Variants in NOL4 observed in about 807,000 individuals in gnomAD.
NOL4 encodes the protein nucleolar protein 4, also known as cancer/testis antigen 125.
Under a neutral mutation model 75.9 loss-of-function variants are expected in NOL4, and 17 were observed. The ratio of observed to expected loss-of-function variants is 0.22; its 90% CI spans 0.15 to 0.34. The LOEUF (loss-of-function observed/expected upper bound fraction) is 0.34, where lower values mean the gene tolerates loss of function less well. NOL4 is among the 10% of genes least tolerant of loss of function. The pLI is 1.00. For missense variants in NOL4, 614 were observed against 793.5 expected (o/e 0.77, Z 2.72); for synonymous variants, 292 against 289.9 (o/e 1.01, Z -0.07).
chr18:34,122,878 A>G (rs1348544374), intron 2 of NOL4, among the ~76,000 whole-genome samples: 1 of 152,092 alleles, frequency 6.6e-6, no homozygotes, highest in African/African-American at 2.4e-5. Flanking sequence ...TCTGAGTGAG[A>G]ATCACCCACT....
chr18:33,975,556 G>A (rs770149936), intron 6 of NOL4, among the ~76,000 whole-genome samples: 4 of 152,046 alleles, frequency 2.6e-5, no homozygotes, highest in East Asian at 1.9e-4. Context: ...GGCAGATCAC[G>A]AGGTCAGGAG....
At chr18:33,862,063 A>G (rs538340451) in intron 10 of NOL4, among the ~76,000 whole-genome samples, 3 of 152,332 alleles carry the variant, frequency 2.0e-5, no homozygotes, top group African/African-American at 7.2e-5. Context: ...TACTGGTACC[A>G]AAACAGAGAT....
chr18:34,055,068 T>G (rs979150782), intron 5 of NOL4, among the ~76,000 whole-genome samples: 1 of 151,296 alleles, frequency 6.6e-6, no homozygotes, highest in South Asian at 2.1e-4. Context: ...TTTTATGTTA[T>G]TGATGTCCCA....
intron 9 of NOL4, among the ~76,000 whole-genome samples, chr18:33,928,995 T>C (rs1290671513): frequency 6.6e-6 from 1 of 152,192 alleles, no homozygotes; most frequent in Non-Finnish European, 1.5e-5. Flanking sequence ...TGCATTTAAA[T>C]AGAAAACCTG....
At chr18:33,997,403 G>T (rs563481403) in intron 6 of NOL4, among the ~76,000 whole-genome samples, 1 of 151,600 alleles carries the variant, frequency 6.6e-6, no homozygotes, top group African/African-American at 2.4e-5. Context: ...TTATTTCTGG[G>T]GTCTCTATTG....
chr18:34,170,040 C>G (rs2146256684), intron 1 of NOL4, among the ~76,000 whole-genome samples: 1 of 152,278 alleles, frequency 6.6e-6, no homozygotes, highest in Non-Finnish European at 1.5e-5. Flanking sequence ...TACTGGCAAT[C>G]ATAAGCATAT....
intron 1 of NOL4, among the ~76,000 whole-genome samples, chr18:34,140,278 G>T (rs1022377317): frequency 1.3e-5 from 2 of 152,136 alleles, no homozygotes; most frequent in African/African-American, 2.4e-5. Flanking sequence ...TGACAGTGGG[G>T]TGTTAAATTC....
chr18:33,957,593 A>T, intron 7 of NOL4, 76 bp from the exon 8 acceptor site: 1 of 1,151,380 alleles, frequency 8.7e-7, no homozygotes, highest in South Asian at 1.7e-5. Flanking sequence ...TGTCTTGATT[A>T]CCGATAGGAA....
intron 9 of NOL4, among the ~76,000 whole-genome samples, chr18:33,911,240 T>C (rs994151832): frequency 6.6e-6 from 1 of 151,938 alleles, no homozygotes; most frequent in Non-Finnish European, 1.5e-5. Context: ...CTTTTGCATT[T>C]ACTATCCTGG....
intron 6 of NOL4, among the ~76,000 whole-genome samples, chr18:34,014,691 T>C (rs1419741431): frequency 6.6e-6 from 1 of 151,978 alleles, no homozygotes; most frequent in East Asian, 1.9e-4. Context: ...TCTAATGTTA[T>C]TAGTTGTCCT....
In NOL4 at chr18:33,852,796, T is replaced by C. The variant is rs1400523670; in HGVS notation, c.*46A>G. 6.5e-7 allele frequency: 1 copy of C among 1,534,064 alleles called. No homozygotes were observed. Among genetic ancestry groups the C allele is most frequent in the African/African-American group, 1.4e-5 (1 of 73,154 alleles). ...TGTTGGGAAATCAAAATGTCATTAG[T>C]GGAAACTGCAAATTTAGACCTCAGT... On this transcript the variant is annotated 3_prime_UTR_variant, in exon 11 of 11. Coordinates refer to ENST00000261592, the MANE Select transcript of NOL4 (RefSeq NM_003787.5).
chr18:33,904,250 C>T (rs1402535406), intron 9 of NOL4, among the ~76,000 whole-genome samples: 1 of 152,052 alleles, frequency 6.6e-6, no homozygotes, highest in African/African-American at 2.4e-5. Flanking sequence ...CAGGTAGCCA[C>T]ACTACCCCAG....
intron 1 of NOL4, among the ~76,000 whole-genome samples, chr18:34,219,626 A>T (rs534549813): frequency 1.3e-5 from 2 of 152,374 alleles, no homozygotes; most frequent in African/African-American, 4.8e-5. Flanking sequence ...GCTGCTTAAA[A>T]GTTGGATGTA....
At chr18:33,933,019 A>G (rs1485946788) in intron 9 of NOL4, among the ~76,000 whole-genome samples, 1 of 152,128 alleles carries the variant, frequency 6.6e-6, no homozygotes, top group Non-Finnish European at 1.5e-5. Context: ...GATAGAACAT[A>G]GTCCAAGAAC....
At chr18:33,895,847 G>A (rs1346061789) in intron 9 of NOL4, among the ~76,000 whole-genome samples, 1 of 152,052 alleles carries the variant, frequency 6.6e-6, no homozygotes, top group Non-Finnish European at 1.5e-5. Context: ...ATCCGATTAT[G>A]AAGAGAGATT....
At chr18:34,015,657 C>T (rs1271078319) in intron 6 of NOL4, among the ~76,000 whole-genome samples, 1 of 152,008 alleles carries the variant, frequency 6.6e-6, no homozygotes, top group African/African-American at 2.4e-5. Flanking sequence ...TCAAGCAGCA[C>T]TTTTGCTCTG....
intron 1 of NOL4, among the ~76,000 whole-genome samples, chr18:34,177,530 G>A (rs932380041): frequency 1.3e-5 from 2 of 151,916 alleles, no homozygotes; most frequent in African/African-American, 2.4e-5. Context: ...GGCTGAGTGT[G>A]AGTCCCCTTT....
rs149515705 is a variant in NOL4 at position 34,019,459 on chromosome 18, G to A, written c.915C>T (p.Asn305=). The A allele has an allele frequency of 6.2e-7, 1 of 1,613,912 alleles. No individual in the cohort carries two copies. Among genetic ancestry groups the A allele is most frequent in the Non-Finnish European group, 8.5e-7 (1 of 1,179,962 alleles). The change falls in exon 6 of 11, where the codon AAC becomes AAT. Residue 305 remains asparagine, a synonymous_variant. Coordinates refer to ENST00000261592, the MANE Select transcript of NOL4 (RefSeq NM_003787.5). ...GCGCAGAGAGGGGACTGTCACTCAG[G>A]TTCAGTGGCTGTTCATCTTGCTCCA... The part of the protein sequence containing the change: ...TGLEQDEQPL[N]LSDSPLSAQL...
chr18:34,211,437 C>A (rs2036510122), intron 1 of NOL4, among the ~76,000 whole-genome samples: 1 of 152,120 alleles, frequency 6.6e-6, no homozygotes, highest in African/African-American at 2.4e-5. Flanking sequence ...CTAATTAGGT[C>A]AATTGGGTAG....
Sources: gnomAD v4.1 joint callset for allele counts (sites outside exome capture counted in the v4.1 genomes callset) on GRCh38, gnomAD v4.1.1 for gene constraint, MANE v1.5 for transcripts, NCBI Gene and HGNC (gene_info 2026-07-23, HGNC 2026-07-21) for gene names.